The following SV2B variants were observed in gnomAD, a reference collection of about 807,000 sequenced individuals.
SV2B encodes the protein synaptic vesicle glycoprotein 2B.
SV2B carries 41 observed loss-of-function variants against 73.9 expected under a neutral mutation model. The observed-to-expected ratio is 0.56, with a 90% CI of 0.43 to 0.72. The LOEUF is 0.72. Ranked by LOEUF, SV2B falls within the 30% of genes least tolerant of loss-of-function variation. The pLI, the probability that SV2B is intolerant of heterozygous loss-of-function variation, is 0.00. For synonymous variants in SV2B, 314 were observed against 314.2 expected (o/e 1.00, Z 0.01); for missense variants, 764 against 857.8 (o/e 0.89, Z 1.37).
chr15:91,250,497 T>G (rs2047440930), intron 2 of SV2B, among the ~76,000 whole-genome samples: 1 of 152,018 alleles, frequency 6.6e-6, no homozygotes, highest in African/African-American at 2.4e-5. Flanking sequence ...GAAAAAGAAA[T>G]AAAAGTCATC....
At chr15:91,131,661 A>C (rs72764722) in intron 1 of SV2B, among the ~76,000 whole-genome samples, 13,786 of 151,690 alleles carry the variant, frequency 0.091, 773 homozygotes, top group Non-Finnish European at 0.12. Flanking sequence ...GAAAAAAAAA[A>C]ACAAAAAAAA....
intron 1 of SV2B, among the ~76,000 whole-genome samples, chr15:91,180,797 A>T (rs1045909179): frequency 6.6e-6 from 1 of 152,006 alleles, no homozygotes; most frequent in Non-Finnish European, 1.5e-5. Context: ...CATTCATCTA[A>T]ATTTTTTTCA....
At position 91,302,387 on chromosome 15, in the gene SV2B, G is replaced by A. The variant is rs182336037; in HGVS notation, c.*9835G>A. On this transcript the variant is annotated 3_prime_UTR_variant, in exon 13 of 13. Transcript: ENST00000394232. The stretch of plus-strand genomic sequence containing the variant: ...AGAGATCTGGGGGGTGCAGAGGAGG[G>A]ACCTGGTTCTGGAGTGGTGATGCTG... Among the ~76,000 whole-genome samples the A allele has an allele frequency of 6.6e-6, 1 of 152,160 alleles. No individual in the cohort carries two copies. Among genetic ancestry groups the A allele is most frequent in the African/African-American group, 2.4e-5 (1 of 41,442 alleles).
chr15:91,169,677 G>A (rs1218948740), intron 1 of SV2B, among the ~76,000 whole-genome samples: 5 of 152,196 alleles, frequency 3.3e-5, no homozygotes, highest in Non-Finnish European at 7.3e-5. Context: ...CAAGAAACAA[G>A]TAACTGATCA....
intron 11 of SV2B, among the ~76,000 whole-genome samples, chr15:91,286,395 TAGA>T (rs1326926412): frequency 7.9e-5 from 12 of 152,056 alleles, no homozygotes; most frequent in African/African-American, 2.9e-4. Context: ...ATCAGCGGAG[TAGA>T]AGTTTTCCTG....
chr15:91,273,229 G>T (rs960570208), intron 9 of SV2B, among the ~76,000 whole-genome samples: 1 of 152,106 alleles, frequency 6.6e-6, no homozygotes, highest in Non-Finnish European at 1.5e-5. Context: ...TGCAGCTTCT[G>T]GTTTCTTGAT....
In SV2B at chr15:91,115,858, A is replaced by G. The variant is rs1243262527; in HGVS notation, c.-392+15495A>G. ...ATGTTTATTGACTTCTCATTGTGTTAGGCATCAGAGTTAATGATAGGTAAG... is the reference window on the plus strand; with the variant it reads ...ATGTTTATTGACTTCTCATTGTGTTGGGCATCAGAGTTAATGATAGGTAAG... On this transcript the variant is annotated intron_variant, in intron 1 of 12. Coordinates refer to ENST00000394232, the MANE Select transcript of SV2B (RefSeq NM_001323032.3). The surrounding 1 kb of genome is among the most constrained non-coding windows in gnomAD (Gnocchi z 4.3). 2.0e-5 allele frequency among the ~76,000 whole-genome samples: 3 copies of G among 152,166 alleles called. No homozygotes were observed. Among genetic ancestry groups the G allele is most frequent in the Admixed American group, 6.5e-5 (1 of 15,268 alleles).
intron 2 of SV2B, among the ~76,000 whole-genome samples, chr15:91,248,998 A>G (rs1037836146): frequency 6.6e-6 from 1 of 151,848 alleles, no homozygotes; most frequent in Non-Finnish European, 1.5e-5. Flanking sequence ...TTATGGGCCC[A>G]TACACATACA....
At chr15:91,180,352 G>T (rs1054559116) in intron 1 of SV2B, among the ~76,000 whole-genome samples, 2 of 151,910 alleles carry the variant, frequency 1.3e-5, no homozygotes, top group Admixed American at 6.6e-5. Flanking sequence ...CAACTTTGGT[G>T]AATCTGACAA....
In SV2B at chr15:91,136,015, T is replaced by TG. The variant is rs1379567679; in HGVS notation, c.-392+35653dup. Among the ~76,000 whole-genome samples the TG allele has an allele frequency of 1.3e-5, 2 of 152,054 alleles. No homozygotes were observed. The highest frequency in any genetic ancestry group is 2.9e-5 in the Non-Finnish European group (2 of 68,024). On this transcript the variant is annotated intron_variant, in intron 1 of 12. Coordinates refer to ENST00000394232, the MANE Select transcript of SV2B (RefSeq NM_001323032.3). This position sits in a 1 kb window ranked among gnomAD's most constrained non-coding sequence, Gnocchi z 5.6. ...CTGCCTCTTCCCCAACACACACACTTGATTTTTTTTTTGGCATGTGTAGAT... is the reference window on the plus strand; with the variant it reads ...CTGCCTCTTCCCCAACACACACACTTGGATTTTTTTTTTGGCATGTGTAGAT...
chr15:91,222,725 CTG>C (rs1246740923), intron 1 of SV2B, among the ~76,000 whole-genome samples: 1 of 152,224 alleles, frequency 6.6e-6, no homozygotes, highest in Non-Finnish European at 1.5e-5. Context: ...TATTGATTCT[CTG>C]TGTTAATTTG....
In SV2B at chr15:91,289,509, C is replaced by T. The variant is rs780011870; in HGVS notation, c.1709-12C>T. On this transcript the variant is annotated splice_polypyrimidine_tract_variant and intron_variant, in intron 11 of 12. Transcript: ENST00000394232. This position sits in a 1 kb window ranked among gnomAD's most constrained non-coding sequence, Gnocchi z 4.9. ...CCTCATGTTTCTTTTTGCCCTTGAA[C>T]TCCCTCTGCAGGTGGCTCCATGCTA... The T allele has an allele frequency of 6.2e-7, 1 of 1,614,056 alleles. No homozygotes were observed. Among genetic ancestry groups the T allele is most frequent in the East Asian group, 2.2e-5 (1 of 44,896 alleles).
chr15:91,292,375 A>G lies in SV2B; in HGVS notation c.1875A>G (p.Thr625=). The G allele has an allele frequency of 6.2e-7, 1 of 1,613,930 alleles. No individual in the cohort carries two copies. The highest frequency in any genetic ancestry group is 8.5e-7 in the Non-Finnish European group (1 of 1,179,884). The change falls in exon 13 of 13, where the codon ACA becomes ACG. Residue 625 remains threonine, a synonymous_variant. Coordinates refer to ENST00000394232, the MANE Select transcript of SV2B (RefSeq NM_001323032.3). Reference sequence around the variant, plus strand: ...TTCCATTCCTCTTTTACAGAGCAACAGCCTTCGGCATTCTCAATGGATTAT... The same window carrying G: ...TTCCATTCCTCTTTTACAGAGCAACGGCCTTCGGCATTCTCAATGGATTAT... ...VELYPTNQRA[T]AFGILNGLCK... is the part of the protein sequence containing the mutation.
intron 1 of SV2B, among the ~76,000 whole-genome samples, chr15:91,164,281 C>T (rs986951936): frequency 7.9e-5 from 12 of 152,216 alleles, no homozygotes; most frequent in Non-Finnish European, 7.4e-5. Flanking sequence ...AAAAAGAGCC[C>T]GCATTGCCAA....
intron 11 of SV2B, among the ~76,000 whole-genome samples, chr15:91,287,131 C>T (rs1017600983): frequency 6.6e-6 from 1 of 152,218 alleles, no homozygotes; most frequent in African/African-American, 2.4e-5. Flanking sequence ...TTACCAGGCA[C>T]CTGCTCACAG....
At position 91,266,678 on chromosome 15, in the gene SV2B, AC is replaced by A; in HGVS notation, c.1107del (p.Ile370PhefsTer13). ...CCAGCGCTGGCTGGTCAGATTCAAG[AC>A]CATTTTCAAGCAGGTATGATTGGGA... Reference protein sequence around the residue: ...WYQRWLVRFKTIFKQVWDNAL... With the variant: ...WYQRWLVRFKXIFKQVWDNAL... On this transcript the variant is annotated frameshift_variant, in exon 7 of 13. Transcript: ENST00000394232. LOFTEE classifies it high-confidence loss of function. The A allele has an allele frequency of 6.2e-7, 1 of 1,613,644 alleles. No individual in the cohort carries two copies. The highest frequency in any genetic ancestry group is 1.3e-5 in the African/African-American group (1 of 75,032).
At chr15:91,179,034 T>C (rs368251985) in intron 1 of SV2B, among the ~76,000 whole-genome samples, 6 of 151,802 alleles carry the variant, frequency 4.0e-5, no homozygotes, top group East Asian at 1.9e-4. Context: ...GCATTTAGTG[T>C]TATAAATTTC....
At chr15:91,216,185 C>T (rs1463271110) in intron 1 of SV2B, among the ~76,000 whole-genome samples, 1 of 152,178 alleles carries the variant, frequency 6.6e-6, no homozygotes, top group African/African-American at 2.4e-5. Flanking sequence ...GCCAAATAAG[C>T]CCTGGTATTT....
Position 91,224,342 on chromosome 15 carries a change from A to T in SV2B, c.-391-1531A>T, listed in dbSNP as rs981263497. Among the ~76,000 whole-genome samples, 3 of 151,758 alleles carry T rather than the reference A, an allele frequency of 2.0e-5. No individual in the cohort carries two copies. Among genetic ancestry groups the T allele is most frequent in the African/African-American group, 7.3e-5 (3 of 41,326 alleles). ...GGGGCGTGAGTCTCTGGTAGCCTCA[A>T]TGTGTGAGGTCCGAGCATTATCCCT... On this transcript the variant is annotated intron_variant, in intron 1 of 12. Coordinates refer to ENST00000394232, the MANE Select transcript of SV2B (RefSeq NM_001323032.3). The surrounding 1 kb of genome is among the most constrained non-coding windows in gnomAD (Gnocchi z 4.9).
Sources: allele counts gnomAD v4.1 joint callset (sites outside exome capture counted in the v4.1 genomes callset), GRCh38; gene constraint gnomAD v4.1.1; non-coding constraint Gnocchi (gnomAD v3.1); transcripts MANE v1.5; gene names NCBI Gene and HGNC (gene_info 2026-07-23, HGNC 2026-07-21).